ZNF420: variants seen among roughly 807,000 people sequenced by gnomAD.
The protein encoded by ZNF420 is zinc finger protein 420.
In ZNF420, 31 loss-of-function variants were observed where a neutral mutation model predicts 44.7. The observed-to-expected ratio is 0.69, with a 90% CI of 0.52 to 0.94. ZNF420 has a LOEUF of 0.94. Among genes scored for constraint, ZNF420 ranks in the 40% least tolerant of loss-of-function variants. The pLI is 0.00. For missense variants in ZNF420, 681 were observed against 827.9 expected (o/e 0.82, Z 2.18); for synonymous variants, 245 against 267.4 (o/e 0.92, Z 0.82).
At chr19:37,035,391 A>G (rs968082912) in intron 1 of ZNF420, among the ~76,000 whole-genome samples, 1 of 152,066 alleles carries the variant, frequency 6.6e-6, no homozygotes, top group Non-Finnish European at 1.5e-5. Flanking sequence ...TTGAGATGGG[A>G]TCTTCCTATG....
At chr19:37,035,448 C>T (rs1307940177) in intron 1 of ZNF420, among the ~76,000 whole-genome samples, 1 of 152,228 alleles carries the variant, frequency 6.6e-6, no homozygotes, top group Non-Finnish European at 1.5e-5. Context: ...ATCTGCCCAT[C>T]TTGCCCTCCC....
intron 1 of ZNF420, among the ~76,000 whole-genome samples, chr19:37,058,876 G>A (rs938795761): frequency 7.9e-5 from 12 of 152,176 alleles, no homozygotes; most frequent in African/African-American, 2.7e-4. Context: ...AGTGGTGTTG[G>A]CTTGCAGCAG....
At chr19:37,046,127 A>G (rs534050256) in intron 1 of ZNF420, among the ~76,000 whole-genome samples, 11 of 152,360 alleles carry the variant, frequency 7.2e-5, no homozygotes, top group African/African-American at 2.4e-4. Context: ...TCTGGGAGAT[A>G]GAATTCAAGC....
chr19:37,049,255 T>C (rs1967596805), intron 1 of ZNF420, among the ~76,000 whole-genome samples: 1 of 152,168 alleles, frequency 6.6e-6, no homozygotes, highest in Admixed American at 6.5e-5. Flanking sequence ...CTGGGTCAAA[T>C]GGTATTTCTA....
chr19:37,064,977 G>C (rs1967942980), intron 1 of ZNF420, among the ~76,000 whole-genome samples: 1 of 152,200 alleles, frequency 6.6e-6, no homozygotes, highest in African/African-American at 2.4e-5. Context: ...AGCTCTGGGA[G>C]CCCATGCTAT....
chr19:37,106,010 G>T (rs897258954), intron 4 of ZNF420, among the ~76,000 whole-genome samples: 8 of 152,126 alleles, frequency 5.3e-5, no homozygotes, highest in Non-Finnish European at 8.8e-5. Context: ...TTTCCTAATT[G>T]AATACCCTTT....
chr19:37,010,437 A>G (rs991269910), intron 1 of ZNF420, among the ~76,000 whole-genome samples: 1 of 151,940 alleles, frequency 6.6e-6, no homozygotes, highest in Non-Finnish European at 1.5e-5. Context: ...CGTTCTCGCA[A>G]AGAGCAGAAC....
At chr19:37,082,718 C>G (rs1204970479) in intron 2 of ZNF420, among the ~76,000 whole-genome samples, 1 of 152,040 alleles carries the variant, frequency 6.6e-6, no homozygotes, top group East Asian at 1.9e-4. Context: ...AGGATATAGC[C>G]CACTAGGGAT....
chr19:37,088,575 C>T (rs915430615), intron 2 of ZNF420, among the ~76,000 whole-genome samples: 1 of 152,114 alleles, frequency 6.6e-6, no homozygotes, highest in African/African-American at 2.4e-5. Flanking sequence ...TATACGTACA[C>T]ATGAACACAC....
chr19:37,091,451 G>A (rs1299643390), intron 4 of ZNF420: 10 of 165,614 alleles, frequency 6.0e-5, no homozygotes, highest in African/African-American at 1.7e-4. Context: ...TAATTCACAC[G>A]CCCAGTCACA....
chr19:37,033,300 C>T (rs764747611), intron 1 of ZNF420, among the ~76,000 whole-genome samples: 66 of 152,192 alleles, frequency 4.3e-4, no homozygotes, highest in Non-Finnish European at 3.8e-4. Flanking sequence ...TCCATCATCT[C>T]TAGAGCTTTT....
chr19:37,121,694 C>A (rs542755697), intron 4 of ZNF420, among the ~76,000 whole-genome samples: 2 of 152,212 alleles, frequency 1.3e-5, no homozygotes, highest in African/African-American at 4.8e-5. Flanking sequence ...AGGCAACCAA[C>A]AAAATGGTAG....
At chr19:37,070,396 A>G (rs1165386851) in intron 1 of ZNF420, among the ~76,000 whole-genome samples, 1 of 152,186 alleles carries the variant, frequency 6.6e-6, no homozygotes, top group Non-Finnish European at 1.5e-5. Context: ...GCAAGAAAGT[A>G]CAAGCCATAG....
intron 2 of ZNF420, among the ~76,000 whole-genome samples, chr19:37,087,575 G>A (rs1968889251): frequency 6.6e-6 from 1 of 152,164 alleles, no homozygotes; most frequent in South Asian, 2.1e-4. Context: ...TCTCCCTAGA[G>A]GGTGTTTTGG....
At chr19:37,028,500 G>T in intron 1 of ZNF420, among the ~76,000 whole-genome samples, 1 of 152,200 alleles carries the variant, frequency 6.6e-6, no homozygotes, top group Admixed American at 6.5e-5. Context: ...GACTGTCAGA[G>T]ATGTTGAGAG....
At chr19:37,077,925 C>T (rs1187347405), upstream of ZNF420, among the ~76,000 whole-genome samples, 5 of 152,232 alleles carry the variant, frequency 3.3e-5, no homozygotes, top group Non-Finnish European at 7.3e-5. Context: ...CAGGAAGAAT[C>T]ACACACAGGC....
chr19:37,022,832 C>T (rs1177148664), intron 1 of ZNF420, among the ~76,000 whole-genome samples: 1 of 152,000 alleles, frequency 6.6e-6, no homozygotes, highest in Non-Finnish European at 1.5e-5. Context: ...ACGCTGATGA[C>T]GATCATTAAG....
rs746563284 is a variant in ZNF420 at position 37,127,154 on chromosome 19, G to A, written c.163G>A (p.Asp55Asn). 3 of 1,533,766 alleles carry A rather than the reference G, an allele frequency of 2.0e-6. No homozygotes were observed. The highest frequency in any genetic ancestry group is 1.3e-5 in the South Asian group (1 of 76,948). The change falls in exon 5 of 5, where the codon GAC (aspartate) becomes AAC (asparagine). Residue 55 changes from aspartate to asparagine, a missense_variant. By Grantham distance (23) the Asp-to-Asn change is conservative. Coordinates refer to ENST00000337995, the MANE Select transcript of ZNF420 (RefSeq NM_144689.5). ...LDLPSRCASK[D>N]LSPEKNTYET... ...CTTGCCTTCAAGGTGTGCAAGTAAGGACTTATCTCCAGAAAAGAACACTTA... is the reference window on the plus strand; with the variant it reads ...CTTGCCTTCAAGGTGTGCAAGTAAGAACTTATCTCCAGAAAAGAACACTTA...
intron 4 of ZNF420, among the ~76,000 whole-genome samples, chr19:37,120,702 C>T (rs1970979785): frequency 6.6e-6 from 1 of 152,166 alleles, no homozygotes; most frequent in African/African-American, 2.4e-5. Flanking sequence ...TTGCAGATGA[C>T]ATGATTGTGT....
Sources: gnomAD v4.1 joint callset for allele counts (sites outside exome capture counted in the v4.1 genomes callset) on GRCh38, gnomAD v4.1.1 for gene constraint, MANE v1.5 for transcripts, NCBI Gene and HGNC (gene_info 2026-07-23, HGNC 2026-07-21) for gene names.